YES1: variants seen among roughly 807,000 people sequenced by gnomAD.
YES1 encodes tyrosine-protein kinase Yes.
YES1 carries 39 observed loss-of-function variants against 70.4 expected under a neutral mutation model. The observed-to-expected ratio is 0.55, with a 90% confidence interval of 0.43 to 0.72. YES1 has a LOEUF of 0.72. YES1 is among the 30% of genes least tolerant of loss of function. The pLI is 0.00. For missense variants in YES1, 495 were observed against 644.8 expected (o/e 0.77, Z 2.52); for synonymous variants, 198 against 218.6 (o/e 0.91, Z 0.83).
intron 2 of YES1, among the ~76,000 whole-genome samples, chr18:752,266 C>T (rs751400232): frequency 6.6e-6 from 1 of 152,176 alleles, no homozygotes; most frequent in Non-Finnish European, 1.5e-5. Context: ...TGCCGCCACA[C>T]CTAGTTAATT....
intron 1 of YES1, among the ~76,000 whole-genome samples, chr18:794,090 A>G (rs1906412411): frequency 6.6e-6 from 1 of 152,228 alleles, no homozygotes; most frequent in South Asian, 2.1e-4. Flanking sequence ...CCTTATCTGT[A>G]ATTTACTAAA....
At chr18:748,540 C>T (rs2080306684) in intron 3 of YES1, among the ~76,000 whole-genome samples, 1 of 152,102 alleles carries the variant, frequency 6.6e-6, no homozygotes, top group Admixed American at 6.6e-5. Context: ...AGTCACTCTG[C>T]ACCCCCAACT....
intron 1 of YES1, among the ~76,000 whole-genome samples, chr18:804,331 G>C (rs535422360): frequency 6.6e-6 from 1 of 152,304 alleles, no homozygotes; most frequent in Non-Finnish European, 1.5e-5. Flanking sequence ...ATCTGGGCTA[G>C]GCACAGTGGC....
At chr18:752,989 G>C (rs536681256) in intron 2 of YES1, among the ~76,000 whole-genome samples, 11 of 152,156 alleles carry the variant, frequency 7.2e-5, no homozygotes, top group Admixed American at 3.3e-4. Flanking sequence ...GAATTATAAA[G>C]TATAAATTCA....
chr18:774,232 T>C (rs1299065863), intron 1 of YES1, among the ~76,000 whole-genome samples: 2 of 152,166 alleles, frequency 1.3e-5, no homozygotes, highest in Non-Finnish European at 2.9e-5. Context: ...CTCCCTGACA[T>C]CTACACACTG....
intron 1 of YES1, among the ~76,000 whole-genome samples, chr18:801,453 C>T (rs1906817881): frequency 6.6e-6 from 1 of 152,120 alleles, no homozygotes; most frequent in Admixed American, 6.6e-5. Flanking sequence ...GAGTCTGTAC[C>T]AAGATGTATG....
chr18:795,912 A>AACACACACACACACAC (rs72204539), intron 1 of YES1, among the ~76,000 whole-genome samples: 8,527 of 144,424 alleles, frequency 0.059, 282 homozygotes, highest in Non-Finnish European at 0.072. Context: ...CCAGAACTTA[A>AACACACACACACACAC]ACACACACAC....
Position 722,118 on chromosome 18 carries a change from A to G in YES1, c.*2306T>C, listed in dbSNP as rs1061035. ...CTTTTCCTGCCTTACTTTCCTGATT[A>G]GATTTAGTACATAAACGTAATTTTG... On this transcript the variant is annotated 3_prime_UTR_variant, in exon 12 of 12. Coordinates refer to ENST00000314574, the MANE Select transcript of YES1 (RefSeq NM_005433.4). The G allele has an allele frequency of 0.12, 17,818 of 152,682 alleles. 1,136 individuals carry two copies. Among genetic ancestry groups the G allele is most frequent in the East Asian group, 0.28 (1,441 of 5,172 alleles). The allele number at this position is 152,682 out of a possible 1,614,324, so 9.5% of individuals were successfully genotyped here.
intron 8 of YES1, 60 bp from the exon 9 acceptor site, chr18:739,871 G>A: frequency 2.3e-6 from 3 of 1,276,996 alleles, no homozygotes; most frequent in Non-Finnish European, 3.3e-6. Flanking sequence ...GGATTGAAAT[G>A]AATACTCCTC....
At chr18:773,219 T>C (rs1905232575) in intron 1 of YES1, among the ~76,000 whole-genome samples, 1 of 152,240 alleles carries the variant, frequency 6.6e-6, no homozygotes, top group Non-Finnish European at 1.5e-5. Context: ...ATCTGGAAGA[T>C]TAATGTTTAA....
At chr18:755,596 T>C (rs1040139971) in intron 2 of YES1, among the ~76,000 whole-genome samples, 2 of 152,130 alleles carry the variant, frequency 1.3e-5, no homozygotes, top group African/African-American at 2.4e-5. Context: ...AAGAGACAAA[T>C]GTATAGTCAG....
intron 1 of YES1, among the ~76,000 whole-genome samples, chr18:774,398 C>G (rs114856874): frequency 2.0e-5 from 3 of 152,156 alleles, no homozygotes; most frequent in Admixed American, 1.3e-4. Flanking sequence ...TAACTGTCTA[C>G]GCAATACCTT....
In YES1 at chr18:811,671, C is replaced by A. The variant is rs117675380; in HGVS notation, c.-9+443G>T. On this transcript the variant is annotated intron_variant, in intron 1 of 11. Coordinates refer to ENST00000314574, the MANE Select transcript of YES1 (RefSeq NM_005433.4). ...ACTCGCCCCACACACCCGCTCCTCTCCCCGCACAGCTGCTACCGGCGTCGG... is the reference window on the plus strand; with the variant it reads ...ACTCGCCCCACACACCCGCTCCTCTACCCGCACAGCTGCTACCGGCGTCGG... Among the ~76,000 whole-genome samples, 5 of 152,246 alleles carry A rather than the reference C, an allele frequency of 3.3e-5. No homozygotes were observed. In the South Asian group the frequency reaches 6.2e-4, roughly 19 times the overall value.
intron 1 of YES1, among the ~76,000 whole-genome samples, chr18:769,329 T>C (rs1905056547): frequency 6.6e-6 from 1 of 152,244 alleles, no homozygotes; most frequent in Non-Finnish European, 1.5e-5. Flanking sequence ...TCTAGTACTT[T>C]TATAGGTTCT....
At chr18:735,474 T>C (rs1264838198) in intron 10 of YES1, among the ~76,000 whole-genome samples, 2 of 146,612 alleles carry the variant, frequency 1.4e-5, no homozygotes, top group Non-Finnish European at 3.0e-5. Context: ...AGTAATATAA[T>C]GGACTTTGGG....
At chr18:808,479 T>G (rs1368472090) in intron 1 of YES1, among the ~76,000 whole-genome samples, 1 of 152,208 alleles carries the variant, frequency 6.6e-6, no homozygotes, top group East Asian at 1.9e-4. Flanking sequence ...TAGAAACAGA[T>G]TATTTCCTTT....
At chr18:808,794 A>G (rs1040068107) in intron 1 of YES1, among the ~76,000 whole-genome samples, 4 of 152,220 alleles carry the variant, frequency 2.6e-5, no homozygotes, top group African/African-American at 9.6e-5. Flanking sequence ...GCATGACCCA[A>G]TGATTCTCTG....
intron 1 of YES1, among the ~76,000 whole-genome samples, chr18:805,799 G>A (rs190851061): frequency 6.6e-6 from 1 of 152,290 alleles, no homozygotes; most frequent in African/African-American, 2.4e-5. Context: ...ACAATGTGAA[G>A]TATTAACTTA....
rs117881436 is a variant in YES1, at chr18:777,012, T to C, written c.-8-20177A>G. Among the ~76,000 whole-genome samples the C allele has an allele frequency of 3.3e-5, 5 of 152,324 alleles. No individual in the cohort carries two copies. In the East Asian group the frequency reaches 5.8e-4, roughly 18 times the overall value. On this transcript the variant is annotated intron_variant, in intron 1 of 11. Coordinates refer to ENST00000314574, the MANE Select transcript of YES1 (RefSeq NM_005433.4). ...AAAAACAAAAAGGCCAATTAGACAT[T>C]AACCACAAAAATCAGGGGGCAATTA... is the stretch of plus-strand genomic sequence containing the variant.
Sources: allele counts gnomAD v4.1 joint callset (sites outside exome capture counted in the v4.1 genomes callset), GRCh38; gene constraint gnomAD v4.1.1; transcripts MANE v1.5; gene names NCBI Gene and HGNC (gene_info 2026-07-23, HGNC 2026-07-21).